The following GATA4 variants were observed in gnomAD, a reference collection of about 807,000 sequenced individuals.
GATA4 encodes the protein GATA binding protein 4, also known as transcription factor GATA-4.
A neutral mutation model predicts 37.9 loss-of-function variants in GATA4; 7 were observed. That is an observed-to-expected ratio of 0.18 (90% confidence interval 0.11 to 0.35). GATA4 has a LOEUF of 0.35. Among genes scored for constraint, GATA4 ranks in the 10% least tolerant of loss-of-function variants. The pLI, the probability that GATA4 is intolerant of heterozygous loss-of-function variation, is 1.00. For missense variants in GATA4, 647 were observed against 653.0 expected, an observed-to-expected ratio of 0.99 and a Z score of 0.10; for synonymous variants, 372 against 292.6, an observed-to-expected ratio of 1.27 and a Z score of -2.77.
chr8:11,744,453 A>T (rs1386248477), intron 2 of GATA4, among the ~76,000 whole-genome samples: 1 of 152,210 alleles, frequency 6.6e-6, no homozygotes, highest in Non-Finnish European at 1.5e-5. Flanking sequence ...GCTGCATCCG[A>T]GGCCACAGCT....
chr8:11,753,197 T>C (rs1385175316), intron 4 of GATA4, among the ~76,000 whole-genome samples: 3 of 152,148 alleles, frequency 2.0e-5, no homozygotes, highest in Admixed American at 6.5e-5. Context: ...CAGTGTGATA[T>C]ACATACACGT....
intron 2 of GATA4, among the ~76,000 whole-genome samples, chr8:11,745,411 CAAAAAAAAAAAA>C (rs3030049): frequency 4.8e-5 from 5 of 104,054 alleles, no homozygotes; most frequent in Non-Finnish European, 7.2e-5. Flanking sequence ...TTGTCTCTAC[CAAAAAAAAAAAA>C]AAAAAAAAAA....
intron 5 of GATA4, 41 bp downstream of exon 5, chr8:11,755,174 G>T: frequency 6.6e-7 from 1 of 1,520,152 alleles, no homozygotes. Context: ...AGTACATCAG[G>T]AGCCCTCAGA....
intron 5 of GATA4, among the ~76,000 whole-genome samples, chr8:11,755,581 G>A (rs1451862381): frequency 6.6e-6 from 1 of 152,192 alleles, no homozygotes; most frequent in Non-Finnish European, 1.5e-5. Flanking sequence ...TTAACATCAT[G>A]CAGTGCTTTG....
intron 4 of GATA4, among the ~76,000 whole-genome samples, chr8:11,754,457 G>T (rs540586118): frequency 3.3e-5 from 5 of 152,146 alleles, no homozygotes; most frequent in African/African-American, 9.7e-5. Flanking sequence ...GGCTCAAGCA[G>T]TCCTCCCACC....
intron 2 of GATA4, among the ~76,000 whole-genome samples, chr8:11,712,410 T>G (rs1390092596): frequency 3.3e-5 from 5 of 152,184 alleles, no homozygotes; most frequent in Non-Finnish European, 1.5e-5. Context: ...AGAAGCAGCA[T>G]CATTCTTCCC....
At position 11,709,427 on chromosome 8, in the gene GATA4, C is replaced by T. The variant is rs1451493305; in HGVS notation, c.616+499C>T. 1.3e-5 allele frequency among the ~76,000 whole-genome samples: 2 copies of T among 152,290 alleles called. No individual in the cohort carries two copies. The highest frequency in any genetic ancestry group is 6.5e-5 in the Admixed American group (1 of 15,310). On this transcript the variant is annotated intron_variant, in intron 2 of 6. Coordinates refer to ENST00000532059, the MANE Select transcript of GATA4 (RefSeq NM_001308093.3). The surrounding 1 kb of genome is among the most constrained non-coding windows in gnomAD (Gnocchi z 4.3). ...TTGGCGGCCCAGCTGGAGGATCCCTCGGGGTAGCTGATGATTTTCCCGTCG... is the reference window on the plus strand; with the variant it reads ...TTGGCGGCCCAGCTGGAGGATCCCTTGGGGTAGCTGATGATTTTCCCGTCG...
At chr8:11,729,463 G>T (rs1414585593) in intron 2 of GATA4, among the ~76,000 whole-genome samples, 1 of 151,854 alleles carries the variant, frequency 6.6e-6, no homozygotes, top group African/African-American at 2.4e-5. Flanking sequence ...CAGCTACTTG[G>T]GAGGCTGAGG....
chr8:11,731,499 C>T (rs1016998362), intron 2 of GATA4, among the ~76,000 whole-genome samples: 2 of 152,208 alleles, frequency 1.3e-5, no homozygotes, highest in Non-Finnish European at 2.9e-5. Flanking sequence ...CTCTATGATC[C>T]CACTTCTGTG....
At chr8:11,745,654 A>G (rs1801994733) in intron 2 of GATA4, among the ~76,000 whole-genome samples, 1 of 152,152 alleles carries the variant, frequency 6.6e-6, no homozygotes, top group Non-Finnish European at 1.5e-5. Context: ...CCTGCATATA[A>G]AACAATAATT....
chr8:11,685,284 AGAGAG>A (rs1354464815), intron 1 of GATA4, among the ~76,000 whole-genome samples: 1 of 152,248 alleles, frequency 6.6e-6, no homozygotes, highest in East Asian at 1.9e-4. Flanking sequence ...GAGAAAGAGA[AGAGAG>A]AAGACTAATG....
chr8:11,703,476 G>T (rs1466253631), upstream of GATA4, among the ~76,000 whole-genome samples: 1 of 152,090 alleles, frequency 6.6e-6, no homozygotes, highest in Non-Finnish European at 1.5e-5. Flanking sequence ...CCCTTGCCAC[G>T]TCCCTTGGAT....
intron 1 of GATA4, among the ~76,000 whole-genome samples, chr8:11,695,705 G>A (rs184760453): frequency 6.6e-6 from 1 of 152,280 alleles, no homozygotes; most frequent in Non-Finnish European, 1.5e-5. Flanking sequence ...CAATCCCTGA[G>A]CTTCTGCTGT....
chr8:11,730,884 T>C (rs1264807738), intron 2 of GATA4, among the ~76,000 whole-genome samples: 1 of 152,212 alleles, frequency 6.6e-6, no homozygotes, highest in Non-Finnish European at 1.5e-5. Flanking sequence ...CAGTGCCCTC[T>C]CTGTTTGTCT....
At chr8:11,732,592 T>C (rs951159396) in intron 2 of GATA4, among the ~76,000 whole-genome samples, 1 of 152,204 alleles carries the variant, frequency 6.6e-6, no homozygotes, top group Non-Finnish European at 1.5e-5. Context: ...ATAGATGTGA[T>C]TGATTGCCAT....
rs534749960 is a variant in GATA4 at position 11,743,426 on chromosome 8, C to G, written c.617-5490C>G. ...TCCAACACAGGCTGGGGCTCAACAC[C>G]AGCTCTCCCCAGCAGGTGGAAGTCT... On this transcript the variant is annotated intron_variant, in intron 2 of 6. Coordinates refer to ENST00000532059, the MANE Select transcript of GATA4 (RefSeq NM_001308093.3). Among the ~76,000 whole-genome samples, 12 of 152,374 alleles carry G rather than the reference C, an allele frequency of 7.9e-5. No individual in the cohort carries two copies. In the South Asian group the frequency reaches 2.5e-3, roughly 32 times the overall value.
intron 2 of GATA4, among the ~76,000 whole-genome samples, chr8:11,728,376 G>A (rs917048964): frequency 6.6e-6 from 1 of 151,978 alleles, no homozygotes; most frequent in South Asian, 2.1e-4. Context: ...TTTATTTTTG[G>A]TTTTGTTTTT....
chr8:11,750,846 C>G (rs1421424888), intron 4 of GATA4, among the ~76,000 whole-genome samples: 1 of 149,416 alleles, frequency 6.7e-6, no homozygotes, highest in Non-Finnish European at 1.5e-5. Context: ...ACTCAGGAGT[C>G]TGAGGTAGGA....
At chr8:11,682,779 C>G (rs377416476) in intron 1 of GATA4, among the ~76,000 whole-genome samples, 49 of 152,310 alleles carry the variant, frequency 3.2e-4, no homozygotes, top group South Asian at 2.7e-3. Context: ...GTAGTAGTCC[C>G]CGTTTGTGCA....
Sources: gnomAD v4.1 joint callset for allele counts (sites outside exome capture counted in the v4.1 genomes callset) on GRCh38, gnomAD v4.1.1 for gene constraint, Gnocchi (gnomAD v3.1) non-coding constraint, MANE v1.5 for transcripts, NCBI Gene and HGNC (gene_info 2026-07-23, HGNC 2026-07-21) for gene names.